The following FAM186A variants were observed in gnomAD, a reference collection of about 807,000 sequenced individuals.
FAM186A encodes protein FAM186A.
A neutral mutation model predicts 216.8 loss-of-function variants in FAM186A; 163 were observed. That is an observed-to-expected ratio of 0.75 (90% CI 0.66 to 0.86). The LOEUF (loss-of-function observed/expected upper bound fraction) is 0.86, where lower values mean the gene tolerates loss of function less well. FAM186A is among the 40% of genes least tolerant of loss of function. The probability of loss-of-function intolerance (pLI) is 0.00; values close to 1 mark genes in which losing one functional copy is unlikely to be tolerated. For missense variants in FAM186A, 2,184 were observed against 2,746.2 expected (o/e 0.80, Z 4.58); for synonymous variants, 805 against 1,025.3 (o/e 0.79, Z 4.10).
At chr12:50,333,776 G>T in intron 5 of FAM186A, 135 bp downstream of exon 5, 1 of 847,882 alleles carries the variant, frequency 1.2e-6, no homozygotes, top group Non-Finnish European at 1.8e-6. Context: ...TTTAAGCTAT[G>T]AAGTTTGTGG....
In FAM186A at chr12:50,382,367, C is replaced by T. The variant is rs1943261632; in HGVS notation, c.192+13926G>A. ...TGGGGTTATTTTCTAGGGGGAATAG[C>T]ATGTCACTTTAGCATGCTTTTTAAT... On this transcript the variant is annotated intron_variant, in intron 1 of 7. Transcript: ENST00000327337. Among the ~76,000 whole-genome samples the T allele has an allele frequency of 2.6e-5, 4 of 151,790 alleles. No homozygotes were observed. The South Asian group carries it at 8.3e-4, about 32-fold the overall frequency.
chr12:50,346,246 A>AAAGAAAGAAAGAAAGAAAGAAAGAAAGG (rs1942815170), intron 4 of FAM186A, among the ~76,000 whole-genome samples: 1 of 149,922 alleles, frequency 6.7e-6, no homozygotes, highest in Non-Finnish European at 1.5e-5. Context: ...AAAAAGAAAG[A>AAAGAAAGAAAGAAAGAAAGAAAGAAAGG]AAGAAAGAAA....
At chr12:50,337,611 C>T (rs1942722058) in intron 4 of FAM186A, among the ~76,000 whole-genome samples, 4 of 149,774 alleles carry the variant, frequency 2.7e-5, no homozygotes, top group Admixed American at 2.7e-4. Flanking sequence ...TTTTAATAAT[C>T]TGAAGGCCGG....
At chr12:50,363,818 CT>C (rs1356609463) in intron 1 of FAM186A, among the ~76,000 whole-genome samples, 3 of 150,922 alleles carry the variant, frequency 2.0e-5, no homozygotes, top group Non-Finnish European at 4.4e-5. Context: ...CAAGTTGCTT[CT>C]TTTTTCCTTT....
At chr12:50,360,391 G>GTT (rs35875720) in intron 3 of FAM186A, among the ~76,000 whole-genome samples, 57 of 146,218 alleles carry the variant, frequency 3.9e-4, no homozygotes, top group South Asian at 8.6e-4. Context: ...CAATAAAGCT[G>GTT]TTTTTTTTTT....
chr12:50,366,230 G>T, intron 1 of FAM186A: 2 of 551,028 alleles, frequency 3.6e-6, no homozygotes, highest in South Asian at 2.4e-5. Flanking sequence ...AATAATTTAA[G>T]TCAGGAACAC....
intron 1 of FAM186A, chr12:50,365,860 T>C (rs893822069): frequency 1.3e-6 from 1 of 762,750 alleles, no homozygotes; most frequent in Admixed American, 1.7e-5. Flanking sequence ...ATTGGCAAAG[T>C]AGTCCAGGTT....
At position 50,386,272 on chromosome 12, in the gene FAM186A, TACA is replaced by T. The variant is rs374697015; in HGVS notation, c.192+10018_192+10020del. On this transcript the variant is annotated intron_variant, in intron 1 of 7. Transcript: ENST00000327337. ...GGCGAAACCCTGTCTCCACTAAAAA[TACA>T]ACAATTAGCCAAACCTGGTGGCACC... Among the ~76,000 whole-genome samples the T allele has an allele frequency of 4.0e-3, 603 of 151,528 alleles. 5 individuals carry two copies. Among genetic ancestry groups the T allele is most frequent in the African/African-American group, 0.014 (566 of 41,266 alleles).
chr12:50,393,514 C>T (rs1018563014), intron 1 of FAM186A, among the ~76,000 whole-genome samples: 2 of 150,706 alleles, frequency 1.3e-5, no homozygotes, highest in Non-Finnish European at 3.0e-5. Context: ...TGCACTCCAG[C>T]CTGGGTGTCA....
Position 50,353,561 on chromosome 12 carries a change from G to A in FAM186A, c.3271C>T (p.Gln1091Ter). Reference sequence around the variant, plus strand: ...AGCGTGATCCCCTGAGCCTGGGCCTGCTGAGGAGTGAGTGTGATCCCCACT... The same window carrying A: ...AGCGTGATCCCCTGAGCCTGGGCCTACTGAGGAGTGAGTGTGATCCCCACT... ...QEVGITLTPQ[Q>*]AQAQGITLTL... is the part of the protein sequence containing the mutation. Residue 1091 changes from glutamine to a stop codon, truncating the protein, a stop_gained, in exon 4 of 8, where the codon CAG becomes TAG. Coordinates refer to ENST00000327337, the MANE Select transcript of FAM186A (RefSeq NM_001145475.3). LOFTEE classifies it high-confidence loss of function. The A allele has an allele frequency of 3.9e-6, 6 of 1,530,054 alleles. No individual in the cohort carries two copies. The highest frequency in any genetic ancestry group is 5.3e-6 in the Non-Finnish European group (6 of 1,137,514). 94.8% of individuals were successfully genotyped at this position (1,530,054 alleles called of 1,614,324 possible). A position where few individuals can be genotyped will look rare whatever the true frequency, so the allele number is the denominator to read the frequency against.
In FAM186A at chr12:50,385,396, C is replaced by T. The variant is rs184963475; in HGVS notation, c.192+10897G>A. Among the ~76,000 whole-genome samples the T allele has an allele frequency of 3.1e-3, 414 of 132,648 alleles. 2 individuals carry two copies. The highest frequency in any genetic ancestry group is 0.011 in the African/African-American group (376 of 34,660). The allele number at this position is 132,648 out of a possible 152,430, so 87.0% of individuals were successfully genotyped here. ...TTACGCCATAGCACTCCAGCCTGGG[C>T]GACAGAGCAAGACTCTGTCTCAAAA... is the stretch of plus-strand genomic sequence containing the variant. On this transcript the variant is annotated intron_variant, in intron 1 of 7. Coordinates refer to ENST00000327337, the MANE Select transcript of FAM186A (RefSeq NM_001145475.3).
Position 50,396,320 on chromosome 12 carries a change from C to T in FAM186A, c.165G>A (p.Glu55=). Residue 55 remains glutamate (E), a synonymous_variant, in exon 1 of 8, where the codon GAG becomes GAA. Transcript: ENST00000327337. The part of the protein sequence containing the change: ...FSVKDIISRI[E]RAQLHRARED... ...CTCTGGCTCGATGGAGCTGTGCGCG[C>T]TCAATCCTAGAGATGATATCCTTTA... 1.3e-6 allele frequency: 2 copies of T among 1,550,586 alleles called. 1 individual carries two copies. The highest frequency in any genetic ancestry group is 2.4e-5 in the South Asian group (2 of 83,566).
intron 1 of FAM186A, among the ~76,000 whole-genome samples, chr12:50,380,731 G>A (rs1943246771): frequency 6.6e-6 from 1 of 151,774 alleles, no homozygotes; most frequent in Non-Finnish European, 1.5e-5. Context: ...GGATATTTGG[G>A]GTGTCGCTTT....
chr12:50,348,038 A>AT (rs71083540), intron 4 of FAM186A, among the ~76,000 whole-genome samples: 6,763 of 81,354 alleles, frequency 0.083, 823 homozygotes, highest in East Asian at 0.3. Context: ...ATGCCTGGTA[A>AT]TTTTTTTTTT....
chr12:50,334,886 CTA>C (rs1288942851), intron 4 of FAM186A, among the ~76,000 whole-genome samples: 1 of 152,124 alleles, frequency 6.6e-6, no homozygotes, highest in African/African-American at 2.4e-5. Context: ...CTTCAAAAAT[CTA>C]TATGATTATC....
intron 1 of FAM186A, chr12:50,365,807 T>C: frequency 1.3e-6 from 1 of 758,080 alleles, no homozygotes; most frequent in East Asian, 2.4e-5. Flanking sequence ...TCTGAAAGAA[T>C]GATGAAGTTC....
intron 1 of FAM186A, among the ~76,000 whole-genome samples, chr12:50,368,800 G>A (rs1195902536): frequency 2.0e-5 from 3 of 151,870 alleles, no homozygotes; most frequent in African/African-American, 7.3e-5. Context: ...AAAATAATGT[G>A]GTACAGGCAT....
intron 3 of FAM186A, among the ~76,000 whole-genome samples, chr12:50,357,443 G>A (rs528675427): frequency 1.9e-4 from 28 of 150,368 alleles, no homozygotes; most frequent in African/African-American, 6.6e-4. Flanking sequence ...CGGCGGTTGC[G>A]GTGAGCCGAG....
In FAM186A at chr12:50,354,360, C is replaced by T. The variant is rs1300986780; in HGVS notation, c.2472G>A (p.Glu824=). ...DHKEKEKQRQ[E]QYLQEGQEQM... is the part of the protein sequence containing the mutation. ...GTTCTTGACCCTCTTGCAAATATTG[C>T]TCCTGCCTTTGTTTTTCCTTCTCCT... Residue 824 remains glutamate (E), a synonymous_variant, in exon 4 of 8, where the codon GAG becomes GAA. Transcript: ENST00000327337. The T allele has an allele frequency of 1.3e-6, 2 of 1,551,570 alleles. No individual in the cohort carries two copies. The highest frequency in any genetic ancestry group is 3.9e-5 in the Admixed American group (2 of 51,002).
Sources: allele counts gnomAD v4.1 joint callset (sites outside exome capture counted in the v4.1 genomes callset), GRCh38; gene constraint gnomAD v4.1.1; transcripts MANE v1.5; gene names NCBI Gene and HGNC (gene_info 2026-07-23, HGNC 2026-07-21).